GABRB1: variants seen among roughly 807,000 people sequenced by gnomAD.
GABRB1 encodes gamma-aminobutyric acid type A receptor subunit beta1.
GABRB1 carries 17 observed loss-of-function variants against 51.6 expected under a neutral mutation model. The ratio of observed to expected loss-of-function variants is 0.33; its 90% CI spans 0.23 to 0.49. The LOEUF is 0.49. Ranked by LOEUF, GABRB1 falls within the 20% of genes least tolerant of loss-of-function variation. The pLI is 0.99. For synonymous variants in GABRB1, 247 were observed against 218.9 expected, an observed-to-expected ratio of 1.13 and a Z score of -1.14; for missense variants, 410 against 600.6, an observed-to-expected ratio of 0.68 and a Z score of 3.32.
chr4:47,286,106 T>C (rs1723500633), intron 4 of GABRB1, among the ~76,000 whole-genome samples: 1 of 152,208 alleles, frequency 6.6e-6, no homozygotes, highest in Non-Finnish European at 1.5e-5. Flanking sequence ...GGTAATCTTG[T>C]TCTTTGACTT....
intron 1 of GABRB1, among the ~76,000 whole-genome samples, chr4:47,025,125 A>AT (rs1560499989): frequency 6.7e-6 from 1 of 150,002 alleles, no homozygotes; most frequent in Non-Finnish European, 1.5e-5. Flanking sequence ...GTATCTCACA[A>AT]TTTTTTTATC....
intron 4 of GABRB1, among the ~76,000 whole-genome samples, chr4:47,232,174 A>G (rs1168220079): frequency 6.6e-6 from 1 of 151,936 alleles, no homozygotes; most frequent in Admixed American, 6.6e-5. Context: ...AATCCCCAAA[A>G]CCAGAGCCGC....
intron 4 of GABRB1, among the ~76,000 whole-genome samples, chr4:47,314,201 G>C (rs1724803716): frequency 6.6e-6 from 1 of 151,942 alleles, no homozygotes; most frequent in Non-Finnish European, 1.5e-5. Flanking sequence ...TTCCCTAGGT[G>C]ATATCATTTA....
intron 4 of GABRB1, among the ~76,000 whole-genome samples, chr4:47,166,495 A>G (rs1718192827): frequency 6.6e-6 from 1 of 152,144 alleles, no homozygotes; most frequent in Non-Finnish European, 1.5e-5. Flanking sequence ...TTTCTTAATG[A>G]CATTTTATTT....
At chr4:47,424,877 T>C (rs1185251952) in intron 8 of GABRB1, among the ~76,000 whole-genome samples, 1 of 152,170 alleles carries the variant, frequency 6.6e-6, no homozygotes, top group Non-Finnish European at 1.5e-5. Flanking sequence ...CTGGGATAGG[T>C]ATCACTGGAA....
At chr4:47,176,153 G>A (rs764261256) in intron 4 of GABRB1, among the ~76,000 whole-genome samples, 2 of 151,792 alleles carry the variant, frequency 1.3e-5, no homozygotes, top group Non-Finnish European at 2.9e-5. Flanking sequence ...AATGTATTTG[G>A]GTATATTATA....
intron 4 of GABRB1, among the ~76,000 whole-genome samples, chr4:47,216,249 G>T (rs561793042): frequency 5.3e-5 from 8 of 151,834 alleles, no homozygotes; most frequent in Non-Finnish European, 1.0e-4. Context: ...TGATAATACT[G>T]TATATTTTTT....
At chr4:47,188,385 C>A (rs1386062453) in intron 4 of GABRB1, among the ~76,000 whole-genome samples, 1 of 151,876 alleles carries the variant, frequency 6.6e-6, no homozygotes, top group African/African-American at 2.4e-5. Flanking sequence ...AGATTGATAA[C>A]CATTTTATTC....
chr4:47,008,753 A>G (rs1309512289), intron 1 of GABRB1, among the ~76,000 whole-genome samples: 1 of 148,034 alleles, frequency 6.8e-6, no homozygotes, highest in East Asian at 2.0e-4. Context: ...TGCTGGGATT[A>G]CAGGCGTGAG....
chr4:47,311,411 CAAAA>C (rs71276540), intron 4 of GABRB1, among the ~76,000 whole-genome samples: 5 of 46,364 alleles, frequency 1.1e-4, no homozygotes, highest in African/African-American at 3.2e-4. Flanking sequence ...GACTCTGTCT[CAAAA>C]AAAAAAAAAA....
chr4:47,335,026 T>TA (rs1292998348), intron 5 of GABRB1, among the ~76,000 whole-genome samples: 1 of 152,172 alleles, frequency 6.6e-6, no homozygotes, highest in Non-Finnish European at 1.5e-5. Context: ...AAGTCCATCT[T>TA]AGTCATTAGG....
intron 5 of GABRB1, among the ~76,000 whole-genome samples, chr4:47,343,912 G>T (rs2109990122): frequency 6.6e-6 from 1 of 152,262 alleles, no homozygotes; most frequent in East Asian, 1.9e-4. Flanking sequence ...TACACATCTA[G>T]TTAATGTCAA....
chr4:47,041,660 A>G (rs1217908740), intron 3 of GABRB1, among the ~76,000 whole-genome samples: 1 of 151,986 alleles, frequency 6.6e-6, no homozygotes. Flanking sequence ...ATCTCTGCCT[A>G]CTCTAGCCCT....
chr4:47,162,733 C>G (rs1718015870), intron 4 of GABRB1, among the ~76,000 whole-genome samples: 1 of 152,056 alleles, frequency 6.6e-6, no homozygotes, highest in Non-Finnish European at 1.5e-5. Context: ...TTTTCCCACT[C>G]CACTGCCATT....
chr4:47,169,911 T>A (rs1718367808), intron 4 of GABRB1, among the ~76,000 whole-genome samples: 1 of 152,142 alleles, frequency 6.6e-6, no homozygotes, highest in Admixed American at 6.6e-5. Context: ...CAGTTGTCTA[T>A]GTATGGTGAT....
intron 3 of GABRB1, among the ~76,000 whole-genome samples, chr4:47,105,874 A>T (rs1714945432): frequency 6.6e-6 from 1 of 152,100 alleles, no homozygotes; most frequent in African/African-American, 2.4e-5. Flanking sequence ...GCTTACACTA[A>T]TACACACTCA....
At chr4:47,035,776 A>G (rs999453227) in intron 3 of GABRB1, among the ~76,000 whole-genome samples, 9 of 152,222 alleles carry the variant, frequency 5.9e-5, no homozygotes, top group African/African-American at 2.2e-4. Flanking sequence ...CTATAAAGCC[A>G]GTAAAACACA....
At chr4:47,222,671 A>T (rs572558156) in intron 4 of GABRB1, among the ~76,000 whole-genome samples, 1 of 152,148 alleles carries the variant, frequency 6.6e-6, no homozygotes, top group African/African-American at 2.4e-5. Flanking sequence ...AAGCCACTCA[A>T]CTAGAAAACT....
At chr4:47,347,561 A>G (rs1439076042) in intron 5 of GABRB1, among the ~76,000 whole-genome samples, 1 of 152,104 alleles carries the variant, frequency 6.6e-6, no homozygotes, top group Non-Finnish European at 1.5e-5. Flanking sequence ...TCGTGGCACA[A>G]TCTCTGGCCT....
Sources: allele counts gnomAD v4.1 joint callset (sites outside exome capture counted in the v4.1 genomes callset), GRCh38; gene constraint gnomAD v4.1.1; transcripts MANE v1.5; gene names NCBI Gene and HGNC (gene_info 2026-07-23, HGNC 2026-07-21).